MAN1A2: variants seen among roughly 807,000 people sequenced by gnomAD.
MAN1A2 encodes mannosidase alpha class 1A member 2.
MAN1A2 carries 26 observed loss-of-function variants against 75.7 expected under a neutral mutation model. The ratio of observed to expected loss-of-function variants is 0.34; its 90% confidence interval spans 0.25 to 0.48. The LOEUF (loss-of-function observed/expected upper bound fraction) is 0.48, where lower values mean the gene tolerates loss of function less well. Ranked by LOEUF, MAN1A2 falls within the 20% of genes least tolerant of loss-of-function variation. The probability of loss-of-function intolerance (pLI) is 0.99; values close to 1 mark genes in which losing one functional copy is unlikely to be tolerated. For synonymous variants in MAN1A2, 247 were observed against 264.6 expected, an observed-to-expected ratio of 0.93 and a Z score of 0.65; for missense variants, 562 against 775.5, an observed-to-expected ratio of 0.72 and a Z score of 3.27.
chr1:117,442,434 C>G (rs1490249902), intron 6 of MAN1A2, 109 bp downstream of exon 6: 4 of 663,350 alleles, frequency 6.0e-6, no homozygotes, highest in Admixed American at 2.5e-5. Flanking sequence ...TATTGTTTTT[C>G]TCTCTATATA....
intron 4 of MAN1A2, among the ~76,000 whole-genome samples, chr1:117,418,148 A>C (rs771031168): frequency 2.2e-4 from 34 of 152,166 alleles, no homozygotes; most frequent in Non-Finnish European, 4.1e-4. Flanking sequence ...TTAAACTTCC[A>C]AATTAAGTAA....
intron 1 of MAN1A2, among the ~76,000 whole-genome samples, chr1:117,381,136 CTCTT>C (rs1653320413): frequency 6.6e-6 from 1 of 151,972 alleles, no homozygotes; most frequent in Non-Finnish European, 1.5e-5. Flanking sequence ...TGCAATTGTT[CTCTT>C]AATTTTCTTT....
At chr1:117,444,816 A>G (rs1184520025) in intron 6 of MAN1A2, among the ~76,000 whole-genome samples, 1 of 152,078 alleles carries the variant, frequency 6.6e-6, no homozygotes, top group Non-Finnish European at 1.5e-5. Context: ...TATATGACTC[A>G]TAAGTTTTAA....
chr1:117,369,935 AGC>A (rs1652902190), intron 1 of MAN1A2, among the ~76,000 whole-genome samples: 3 of 152,232 alleles, frequency 2.0e-5, no homozygotes, highest in Non-Finnish European at 1.5e-5. Flanking sequence ...AACATTACTT[AGC>A]TCTATTATTA....
At chr1:117,512,381 C>G (rs1384789797) in intron 12 of MAN1A2, among the ~76,000 whole-genome samples, 4 of 152,046 alleles carry the variant, frequency 2.6e-5, no homozygotes, top group Non-Finnish European at 4.4e-5. Context: ...TGGAAGGCCT[C>G]TTAAAACATG....
At chr1:117,392,389 T>C (rs1237854155) in intron 1 of MAN1A2, among the ~76,000 whole-genome samples, 1 of 152,182 alleles carries the variant, frequency 6.6e-6, no homozygotes. Flanking sequence ...TCTGTTTCCC[T>C]ATGTAAATCT....
chr1:117,487,629 A>G (rs1485935103), intron 8 of MAN1A2, among the ~76,000 whole-genome samples: 1 of 151,940 alleles, frequency 6.6e-6, no homozygotes, highest in African/African-American at 2.4e-5. Context: ...TAACCGCAAA[A>G]TAGATGTTGT....
chr1:117,520,360 T>C (rs963839419), intron 12 of MAN1A2, among the ~76,000 whole-genome samples: 1 of 151,902 alleles, frequency 6.6e-6, no homozygotes, highest in Non-Finnish European at 1.5e-5. Flanking sequence ...TCCAAATTAG[T>C]AAAGAGGAAG....
rs188787696 is a variant in MAN1A2, at chr1:117,415,353, T to C, written c.774+522T>C. Among the ~76,000 whole-genome samples, 172 of 152,276 alleles carry C rather than the reference T, an allele frequency of 1.1e-3. 1 individual carries two copies. Among genetic ancestry groups the C allele is most frequent in the African/African-American group, 3.8e-3 (160 of 41,564 alleles). On this transcript the variant is annotated intron_variant, in intron 4 of 12. Coordinates refer to ENST00000356554, the MANE Select transcript of MAN1A2 (RefSeq NM_006699.5). ...CTTCACCTAAAAGATGTGTGGACTG[T>C]TTTGTCATATTCACATCTTTTGTGA...
intron 4 of MAN1A2, among the ~76,000 whole-genome samples, chr1:117,416,831 GC>G (rs749018502): frequency 2.2e-4 from 33 of 152,150 alleles, no homozygotes; most frequent in Non-Finnish European, 4.3e-4. Context: ...CTGTGTCAGA[GC>G]TGAGACTCAG....
intron 5 of MAN1A2, among the ~76,000 whole-genome samples, chr1:117,436,587 C>G (rs540792833): frequency 9.8e-5 from 15 of 152,360 alleles, no homozygotes; most frequent in African/African-American, 3.1e-4. Flanking sequence ...CCTGACTGCT[C>G]TTTATCCATA....
rs566075595 is a variant in MAN1A2, at chr1:117,381,849, T to A, written c.302+13364T>A. Among the ~76,000 whole-genome samples the A allele has an allele frequency of 6.6e-4, 100 of 152,086 alleles. No homozygotes were observed. The East Asian group carries it at 0.017, about 26-fold the overall frequency. On this transcript the variant is annotated intron_variant, in intron 1 of 12. Transcript: ENST00000356554. Reference sequence around the variant, plus strand: ...TCTCCACATCCTTTCCAGCACCTGTTGTTTCCTGACTTTTTAATGATTGCC... The same window carrying A: ...TCTCCACATCCTTTCCAGCACCTGTAGTTTCCTGACTTTTTAATGATTGCC...
Position 117,445,890 on chromosome 1 carries a change from A to ATATATATATATATATATATG in MAN1A2, c.950+3574_950+3575insATATATATATGTATATATAT, listed in dbSNP as rs1255354380. On this transcript the variant is annotated intron_variant, in intron 6 of 12. Coordinates refer to ENST00000356554, the MANE Select transcript of MAN1A2 (RefSeq NM_006699.5). ...TGTGTGTGTCTGTGTGTGTGTATAT[A>ATATATATATATATATATATG]TATATATATGTATATATGTAAATTT... is the stretch of plus-strand genomic sequence containing the variant. 1.1e-4 allele frequency among the ~76,000 whole-genome samples: 16 copies of ATATATATATATATATATATG among 142,640 alleles called. 1 individual carries two copies. The highest frequency in any genetic ancestry group is 1.2e-4 in the Non-Finnish European group (8 of 64,886). 93.6% of individuals were successfully genotyped at this position (142,640 alleles called of 152,430 possible).
chr1:117,396,056 G>A (rs536517909), intron 1 of MAN1A2, among the ~76,000 whole-genome samples: 157 of 152,270 alleles, frequency 1.0e-3, no homozygotes, highest in African/African-American at 3.8e-3. Context: ...CCTCATCCAA[G>A]CTTCAGTGTA....
At chr1:117,445,531 A>T (rs1355036099) in intron 6 of MAN1A2, among the ~76,000 whole-genome samples, 2 of 150,738 alleles carry the variant, frequency 1.3e-5, no homozygotes, top group African/African-American at 4.9e-5. Context: ...GTGTGTTTGG[A>T]GGGGGCTGGT....
Position 117,523,087 on chromosome 1 carries a change from T to C in MAN1A2, c.*130T>C. On this transcript the variant is annotated 3_prime_UTR_variant, in exon 13 of 13. Transcript: ENST00000356554. ...CATGACAGGGTGAAACTATTCCCCC[T>C]AAGACTGTTCAACTTGTAGATACAT... 1.0e-6 allele frequency: 1 copy of C among 992,266 alleles called. No homozygotes were observed. The highest frequency in any genetic ancestry group is 1.9e-5 in the Admixed American group (1 of 53,398). The allele number at this position is 992,266 out of a possible 1,614,324, so 61.5% of individuals were successfully genotyped here. A position where few individuals can be genotyped will look rare whatever the true frequency, so the allele number is the denominator to read the frequency against.
chr1:117,471,039 C>CT (rs138176979), intron 8 of MAN1A2, among the ~76,000 whole-genome samples: 21,212 of 147,982 alleles, frequency 0.14, 1,690 homozygotes, highest in South Asian at 0.22. Flanking sequence ...TTTTCTAAAA[C>CT]TTTTTTTTTT....
rs981187368 is a variant in MAN1A2, at chr1:117,526,642, C to T, written c.*3685C>T. The T allele has an allele frequency of 2.0e-5, 3 of 151,020 alleles. No individual in the cohort carries two copies. The highest frequency in any genetic ancestry group is 7.3e-5 in the African/African-American group (3 of 41,264). 9.4% of individuals were successfully genotyped at this position (151,020 alleles called of 1,614,324 possible). A position where few individuals can be genotyped will look rare whatever the true frequency, so the allele number is the denominator to read the frequency against. On this transcript the variant is annotated 3_prime_UTR_variant, in exon 13 of 13. Coordinates refer to ENST00000356554, the MANE Select transcript of MAN1A2 (RefSeq NM_006699.5). ...TATTTTATATTCAAAAAGATTTTGT[C>T]ACATAATTCATGGGTAAAACTTGCA...
At chr1:117,503,047 T>G (rs1651249869) in intron 12 of MAN1A2, 77 bp downstream of exon 12, 3 of 693,214 alleles carry the variant, frequency 4.3e-6, no homozygotes, top group Non-Finnish European at 7.0e-6. Flanking sequence ...GAATTACAAC[T>G]ATGTGACAGG....
Sources: gnomAD v4.1 joint callset for allele counts (sites outside exome capture counted in the v4.1 genomes callset) on GRCh38, gnomAD v4.1.1 for gene constraint, MANE v1.5 for transcripts, NCBI Gene and HGNC (gene_info 2026-07-23, HGNC 2026-07-21) for gene names.